The following ZNF704 variants were observed in gnomAD, a reference collection of about 807,000 sequenced individuals.
ZNF704 encodes the protein glucocorticoid induced gene 1.
In ZNF704, 10 loss-of-function variants were observed where a neutral mutation model predicts 44.7. That is an observed-to-expected ratio of 0.22 (90% CI 0.14 to 0.38). The LOEUF is 0.38. ZNF704 is among the 10% of genes least tolerant of loss of function. The pLI is 1.00. For missense variants in ZNF704, 390 were observed against 545.5 expected, an observed-to-expected ratio of 0.71 and a Z score of 2.84; for synonymous variants, 211 against 207.6, an observed-to-expected ratio of 1.02 and a Z score of -0.14.
chr8:80,690,334 A>G (rs556784751), intron 3 of ZNF704, among the ~76,000 whole-genome samples: 13 of 152,230 alleles, frequency 8.5e-5, no homozygotes, highest in Admixed American at 1.3e-4. Context: ...AAAAATAATG[A>G]TTACTTTAAA....
At chr8:80,693,871 A>C (rs1469731397) in intron 2 of ZNF704, among the ~76,000 whole-genome samples, 1 of 152,140 alleles carries the variant, frequency 6.6e-6, no homozygotes, top group East Asian at 1.9e-4. Context: ...AATATGATGA[A>C]TATTTGTAAT....
chr8:80,668,941 T>C (rs1798856438), intron 5 of ZNF704, among the ~76,000 whole-genome samples: 2 of 152,128 alleles, frequency 1.3e-5, no homozygotes, highest in African/African-American at 2.4e-5. Flanking sequence ...GGCCCATTCC[T>C]GTACGGTGCC....
rs945491580 is a variant in ZNF704, at chr8:80,650,616, A to G, written c.1033-7487T>C. On this transcript the variant is annotated intron_variant, in intron 7 of 8. Transcript: ENST00000327835. ...GGAAGTGAGAAGAGAAGTTTAGACA[A>G]AAAAGAATAAAAAGAAATGAACAAA... Among the ~76,000 whole-genome samples, 3 of 152,234 alleles carry G rather than the reference A, an allele frequency of 2.0e-5. No homozygotes were observed. The East Asian group carries it at 5.8e-4, about 29-fold the overall frequency.
chr8:80,766,314 A>G (rs1221088904), intron 2 of ZNF704, among the ~76,000 whole-genome samples: 6 of 152,152 alleles, frequency 3.9e-5, no homozygotes, highest in Non-Finnish European at 8.8e-5. Flanking sequence ...TGAACTCTCA[A>G]TGGCCAGGTT....
the ZNF704 span, among the ~76,000 whole-genome samples, chr8:80,880,605 ATAACTTG>A: frequency 1.3e-5 from 2 of 152,334 alleles, no homozygotes; most frequent in South Asian, 4.1e-4. Context: ...ATGGTGGTAT[ATAACTTG>A]TAGATGTTTA....
In ZNF704 at chr8:80,771,813, A is replaced by C. The variant is rs118110723; in HGVS notation, c.221+49561T>G. On this transcript the variant is annotated intron_variant, in intron 2 of 8. Coordinates refer to ENST00000327835, the MANE Select transcript of ZNF704 (RefSeq NM_001033723.3). ...TAGGAAAAGCATTCAGCTTTCCCCCATGAAGTATAATATTATTTGCCCTTT... is the reference window on the plus strand; with the variant it reads ...TAGGAAAAGCATTCAGCTTTCCCCCCTGAAGTATAATATTATTTGCCCTTT... 2.4e-3 allele frequency among the ~76,000 whole-genome samples: 372 copies of C among 152,304 alleles called. 1 individual carries two copies. Among genetic ancestry groups the C allele is most frequent in the South Asian group, 3.1e-3 (15 of 4,832 alleles).
At chr8:80,745,152 T>A (rs1806823890) in intron 2 of ZNF704, among the ~76,000 whole-genome samples, 1 of 152,216 alleles carries the variant, frequency 6.6e-6, no homozygotes, top group African/African-American at 2.4e-5. Context: ...GCTGTAAATA[T>A]AGGTATCAGT....
At chr8:80,699,724 G>A (rs1183582979) in intron 2 of ZNF704, among the ~76,000 whole-genome samples, 1 of 152,182 alleles carries the variant, frequency 6.6e-6, no homozygotes, top group African/African-American at 2.4e-5. Flanking sequence ...TGAGTAGCAT[G>A]AAGCTAGGCA....
chr8:80,686,509 G>A (rs1218898394), intron 4 of ZNF704, among the ~76,000 whole-genome samples: 1 of 152,104 alleles, frequency 6.6e-6, no homozygotes, highest in African/African-American at 2.4e-5. Context: ...AGCCTCCTGA[G>A]TAGATGAGAC....
In ZNF704 at chr8:80,640,479, C is replaced by T. The variant is rs567325429; in HGVS notation, c.*887G>A. ...ACAGACAAGCAGTAACAAATAGCTC[C>T]GAGTTGCCATTTGTGTCACATCCCT... On this transcript the variant is annotated 3_prime_UTR_variant, in exon 9 of 9. Transcript: ENST00000327835. 1 of 152,550 alleles carries T rather than the reference C, an allele frequency of 6.6e-6. No homozygotes were observed. Among genetic ancestry groups the T allele is most frequent in the Admixed American group, 6.5e-5 (1 of 15,292 alleles). The allele number at this position is 152,550 out of a possible 1,614,324, so 9.4% of individuals were successfully genotyped here.
In ZNF704 at chr8:80,818,270, G is replaced by A. The variant is rs576845079; in HGVS notation, c.221+3104C>T. ...AGGGAACTGATTTTAAATGATTGAA[G>A]AACTCTGCATTCTATGGGCCTAAAA... On this transcript the variant is annotated intron_variant, in intron 2 of 8. Transcript: ENST00000327835. Among the ~76,000 whole-genome samples, 11 of 152,146 alleles carry A rather than the reference G, an allele frequency of 7.2e-5. No individual in the cohort carries two copies. The South Asian group carries it at 2.1e-3, about 29-fold the overall frequency.
At chr8:80,774,788 G>A (rs1057404908) in intron 2 of ZNF704, among the ~76,000 whole-genome samples, 3 of 152,134 alleles carry the variant, frequency 2.0e-5, no homozygotes, top group Admixed American at 6.5e-5. Context: ...TTTCCGTCTC[G>A]CTAGGATGTT....
At chr8:80,831,949 A>G (rs1808478830) in intron 1 of ZNF704, among the ~76,000 whole-genome samples, 3 of 152,208 alleles carry the variant, frequency 2.0e-5, no homozygotes, top group Admixed American at 1.3e-4. Context: ...TTGTAGTCAT[A>G]TTGTACTACA....
chr8:80,796,274 G>A, intron 2 of ZNF704, among the ~76,000 whole-genome samples: 1 of 152,210 alleles, frequency 6.6e-6, no homozygotes, highest in African/African-American at 2.4e-5. Context: ...CACGTGTTGA[G>A]GGGCCTGAGT....
Position 80,639,649 on chromosome 8 carries a change from A to C in ZNF704, c.*1717T>G, listed in dbSNP as rs1817713560. The C allele has an allele frequency of 6.6e-6, 1 of 152,550 alleles. No homozygotes were observed. Among genetic ancestry groups the C allele is most frequent in the Non-Finnish European group, 1.5e-5 (1 of 68,050 alleles). The allele number at this position is 152,550 out of a possible 1,614,324, so 9.4% of individuals were successfully genotyped here. A position where few individuals can be genotyped will look rare whatever the true frequency, so the allele number is the denominator to read the frequency against. On this transcript the variant is annotated 3_prime_UTR_variant, in exon 9 of 9. Coordinates refer to ENST00000327835, the MANE Select transcript of ZNF704 (RefSeq NM_001033723.3). The stretch of plus-strand genomic sequence containing the variant: ...TGAGAGTTTAAAAAATAAAAGTCCC[A>C]TAATATGTGAATGCACAGATTGTGG...
chr8:80,740,881 G>A (rs1022122876), intron 2 of ZNF704, among the ~76,000 whole-genome samples: 6 of 152,228 alleles, frequency 3.9e-5, no homozygotes, highest in African/African-American at 9.6e-5. Context: ...CCTTTGGTAC[G>A]TGGATGATTT....
chr8:80,811,892 G>A (rs966563947), intron 2 of ZNF704, among the ~76,000 whole-genome samples: 1 of 152,190 alleles, frequency 6.6e-6, no homozygotes, highest in Non-Finnish European at 1.5e-5. Context: ...TGTCAGATCA[G>A]TGGTGGCATT....
At chr8:80,644,463 G>C (rs751750359) in intron 7 of ZNF704, among the ~76,000 whole-genome samples, 18 of 151,114 alleles carry the variant, frequency 1.2e-4, no homozygotes, top group Non-Finnish European at 1.8e-4. Flanking sequence ...TTTTTTTTTA[G>C]ATTATAAAAA....
chr8:80,857,561 C>A (rs1403242170), intron 1 of ZNF704, among the ~76,000 whole-genome samples: 2 of 152,256 alleles, frequency 1.3e-5, no homozygotes, highest in African/African-American at 4.8e-5. Flanking sequence ...TTACACTTTA[C>A]ATTCCTAGGA....
Sources: allele counts gnomAD v4.1 joint callset (sites outside exome capture counted in the v4.1 genomes callset), GRCh38; gene constraint gnomAD v4.1.1; transcripts MANE v1.5; gene names NCBI Gene and HGNC (gene_info 2026-07-23, HGNC 2026-07-21).